Variants in PCDHGB1 observed in about 807,000 individuals in gnomAD.
The protein encoded by PCDHGB1 is protocadherin gamma-B1.
PCDHGB1 carries 34 observed loss-of-function variants against 56.6 expected under a neutral mutation model. That is an observed-to-expected ratio of 0.60 (90% CI 0.46 to 0.80). PCDHGB1 has a LOEUF of 0.80. Ranked by LOEUF, PCDHGB1 falls within the 30% of genes least tolerant of loss-of-function variation. PCDHGB1 has a pLI of 0.00. For synonymous variants in PCDHGB1, 561 were observed against 505.9 expected, an observed-to-expected ratio of 1.11 and a Z score of -1.46; for missense variants, 1,278 against 1,204.6, an observed-to-expected ratio of 1.06 and a Z score of -0.90.
At chr5:141,372,302 G>C in intron 1 of PCDHGB1, 1 of 1,613,340 alleles carries the variant, frequency 6.2e-7, no homozygotes, top group Non-Finnish European at 8.5e-7. Flanking sequence ...GCGACAGGGA[G>C]GCCGCCCGCC....
intron 1 of PCDHGB1, among the ~76,000 whole-genome samples, chr5:141,481,647 A>G (rs749515062): frequency 1.6e-4 from 25 of 151,712 alleles, no homozygotes; most frequent in Non-Finnish European, 2.8e-4. Flanking sequence ...GTGAAACTTC[A>G]TCTCTACTAA....
intron 2 of PCDHGB1, among the ~76,000 whole-genome samples, chr5:141,495,389 C>T (rs966648925): frequency 2.0e-5 from 3 of 152,204 alleles, no homozygotes; most frequent in African/African-American, 7.2e-5. Context: ...CTGGGCGGGG[C>T]ATGGAGCAGG....
intron 1 of PCDHGB1, chr5:141,421,044 C>CGCCT (rs891153203): frequency 6.4e-5 from 35 of 548,614 alleles, no homozygotes; most frequent in African/African-American, 6.0e-4. Context: ...CTCCCTCCCC[C>CGCCT]GCCTCTACCA....
At chr5:141,492,834 G>T (rs544218873) in intron 1 of PCDHGB1, among the ~76,000 whole-genome samples, 36 of 152,332 alleles carry the variant, frequency 2.4e-4, no homozygotes, top group Non-Finnish European at 4.1e-4. Flanking sequence ...CCTTCCTCCC[G>T]CAGGAAGTGA....
chr5:141,402,897 C>T (rs1177256058), intron 1 of PCDHGB1: 6 of 1,508,528 alleles, frequency 4.0e-6, no homozygotes, highest in Admixed American at 4.7e-5. Flanking sequence ...AAGAAAGAAC[C>T]TGATGAAGCA....
At position 141,379,889 on chromosome 5, in the gene PCDHGB1, C is replaced by CTTTTTTTTTTTTTTTTTT. The variant is rs70988800; in HGVS notation, c.2409+27233_2409+27250dup. On this transcript the variant is annotated intron_variant, in intron 1 of 3. Coordinates refer to ENST00000523390, the MANE Select transcript of PCDHGB1 (RefSeq NM_018922.3). ...CTTATTTTATGGTCTGTGAAAGCCT[C>CTTTTTTTTTTTTTTTTTT]TTTTTTTTTTTTTTTTTTTTTTTTT... is the stretch of plus-strand genomic sequence containing the variant. Among the ~76,000 whole-genome samples the CTTTTTTTTTTTTTTTTTT allele has an allele frequency of 4.1e-3, 211 of 50,852 alleles. 27 individuals are homozygous for CTTTTTTTTTTTTTTTTTT. The highest frequency in any genetic ancestry group is 6.1e-3 in the Non-Finnish European group (157 of 25,898). 33.4% of individuals were successfully genotyped at this position (50,852 alleles called of 152,430 possible). A position where few individuals can be genotyped will look rare whatever the true frequency, so the allele number is the denominator to read the frequency against.
chr5:141,475,761 T>C (rs1430719406), intron 1 of PCDHGB1, among the ~76,000 whole-genome samples: 3 of 152,248 alleles, frequency 2.0e-5, no homozygotes, highest in Admixed American at 6.5e-5. Flanking sequence ...GCACCGATAC[T>C]GGCAAGGCGC....
intron 1 of PCDHGB1, chr5:141,356,637 T>A (rs1760285285): frequency 6.2e-7 from 1 of 1,614,020 alleles, no homozygotes; most frequent in African/African-American, 1.3e-5. Flanking sequence ...CTCAAGACCC[T>A]GACAGTGGTG....
rs200598354 is a variant in PCDHGB1 at position 141,365,666 on chromosome 5, A to G, written c.2409+12997A>G. ...CATCCCCTTGAAAGTAGCAGACGTT[A>G]ATGACAACCCACCCAATTTCCCTCA... is the stretch of plus-strand genomic sequence containing the variant. On this transcript the variant is annotated intron_variant, in intron 1 of 3. Coordinates refer to ENST00000523390, the MANE Select transcript of PCDHGB1 (RefSeq NM_018922.3). The G allele has an allele frequency of 2.4e-4, 388 of 1,613,398 alleles. No homozygotes were observed. Among genetic ancestry groups the G allele is most frequent in the Admixed American group, 8.2e-4 (49 of 60,008 alleles).
chr5:141,415,529 G>C, intron 1 of PCDHGB1: 1 of 1,614,184 alleles, frequency 6.2e-7, no homozygotes, highest in South Asian at 1.1e-5. Context: ...ACGCTCATCA[G>C]CCAGGAGAGC....
chr5:141,358,922 G>T (rs531004724), intron 1 of PCDHGB1, among the ~76,000 whole-genome samples: 2 of 152,248 alleles, frequency 1.3e-5, no homozygotes, highest in South Asian at 4.1e-4. Flanking sequence ...TGTGTGTAGG[G>T]GATATACAAC....
chr5:141,371,305 T>C lies in PCDHGB1; in HGVS notation c.2409+18636T>C, dbSNP rs772021444. 1.8e-5 allele frequency: 29 copies of C among 1,613,822 alleles called. No individual in the cohort carries two copies. Among genetic ancestry groups the C allele is most frequent in the African/African-American group, 2.7e-5 (2 of 74,920 alleles). ...AGTAAAACGGGGGAACTCACCACTATTGGAGAACTGGACTTTGAAGAGAGA... is the reference window on the plus strand; with the variant it reads ...AGTAAAACGGGGGAACTCACCACTACTGGAGAACTGGACTTTGAAGAGAGA... On this transcript the variant is annotated intron_variant, in intron 1 of 3. Transcript: ENST00000523390.
rs377387694 is a variant in PCDHGB1, at chr5:141,366,375, T to A, written c.2409+13706T>A. 19 of 1,614,096 alleles carry A rather than the reference T, an allele frequency of 1.2e-5. No homozygotes were observed. The highest frequency in any genetic ancestry group is 1.6e-5 in the Non-Finnish European group (19 of 1,180,036). On this transcript the variant is annotated intron_variant, in intron 1 of 3. Coordinates refer to ENST00000523390, the MANE Select transcript of PCDHGB1 (RefSeq NM_018922.3). Reference sequence around the variant, plus strand: ...GACCTAGGCAGTATCAAGACCCCCATTGACCCTGAGGATCTGGACCTCACA... The same window carrying A: ...GACCTAGGCAGTATCAAGACCCCCAATGACCCTGAGGATCTGGACCTCACA...
Position 141,470,005 on chromosome 5 carries a change from T to A in PCDHGB1, c.2410-24802T>A, listed in dbSNP as rs189976589. Reference sequence around the variant, plus strand: ...AATTAGCTGGTCGTCGTGGCACGCCTGTAATCCCAGCTACTCGGGATGCTG... The same window carrying A: ...AATTAGCTGGTCGTCGTGGCACGCCAGTAATCCCAGCTACTCGGGATGCTG... On this transcript the variant is annotated intron_variant, in intron 1 of 3. Coordinates refer to ENST00000523390, the MANE Select transcript of PCDHGB1 (RefSeq NM_018922.3). 2.4e-4 allele frequency among the ~76,000 whole-genome samples: 37 copies of A among 152,254 alleles called. 2 individuals carry two copies. The highest frequency in any genetic ancestry group is 7.2e-4 in the Admixed American group (11 of 15,274).
intron 1 of PCDHGB1, chr5:141,393,940 C>T: frequency 3.7e-6 from 6 of 1,613,928 alleles, no homozygotes; most frequent in Non-Finnish European, 5.1e-6. Flanking sequence ...GACCAAGACT[C>T]TGGAAAGAAT....
chr5:141,442,786 A>T (rs569050347), intron 1 of PCDHGB1, among the ~76,000 whole-genome samples: 12 of 152,308 alleles, frequency 7.9e-5, no homozygotes, highest in African/African-American at 2.6e-4. Context: ...TATATTTTAT[A>T]ATTTTACTTT....
intron 1 of PCDHGB1, chr5:141,400,672 A>G: frequency 1.1e-6 from 1 of 934,884 alleles, no homozygotes; most frequent in Non-Finnish European, 1.6e-6. Flanking sequence ...TAAGAGGAGC[A>G]GTAAATTGTG....
intron 1 of PCDHGB1, chr5:141,379,179 T>C (rs1440992563): frequency 6.6e-6 from 1 of 152,218 alleles, no homozygotes; most frequent in Non-Finnish European, 1.5e-5. Context: ...AAAGATAACA[T>C]TGAGTTGATG....
intron 1 of PCDHGB1, chr5:141,426,610 C>G (rs1376781969): frequency 2.6e-6 from 1 of 382,832 alleles, no homozygotes; most frequent in Non-Finnish European, 5.3e-6. Context: ...GAGATTGTAG[C>G]AGAGAATCCT....
Sources: gnomAD v4.1 joint callset for allele counts (sites outside exome capture counted in the v4.1 genomes callset) on GRCh38, gnomAD v4.1.1 for gene constraint, MANE v1.5 for transcripts, NCBI Gene and HGNC (gene_info 2026-07-23, HGNC 2026-07-21) for gene names.